The following PTPRR variants were observed in gnomAD, a reference collection of about 807,000 sequenced individuals.
PTPRR encodes the protein protein tyrosine phosphatase receptor type R.
In PTPRR, 38 loss-of-function variants were observed where a neutral mutation model predicts 77.2. That is an observed-to-expected ratio of 0.49 (90% CI 0.38 to 0.65). The LOEUF (loss-of-function observed/expected upper bound fraction) is 0.65, where lower values mean the gene tolerates loss of function less well. Among genes scored for constraint, PTPRR ranks in the 30% least tolerant of loss-of-function variants. The pLI is 0.00. For missense variants in PTPRR, 744 were observed against 799.2 expected, an observed-to-expected ratio of 0.93 and a Z score of 0.83; for synonymous variants, 299 against 283.1, an observed-to-expected ratio of 1.06 and a Z score of -0.57.
At chr12:70,695,247 A>T (rs1025336565) in intron 8 of PTPRR, among the ~76,000 whole-genome samples, 1 of 152,202 alleles carries the variant, frequency 6.6e-6, no homozygotes, top group African/African-American at 2.4e-5. Context: ...AAACAATCAT[A>T]ATGTTTAAAT....
At chr12:70,730,793 C>T (rs1398804834) in intron 6 of PTPRR, among the ~76,000 whole-genome samples, 1 of 151,310 alleles carries the variant, frequency 6.6e-6, no homozygotes, top group Non-Finnish European at 1.5e-5. Flanking sequence ...CACGCCACTC[C>T]AGCTTGGGGG....
intron 1 of PTPRR, among the ~76,000 whole-genome samples, chr12:70,897,536 A>G (rs1251421882): frequency 3.3e-5 from 5 of 151,872 alleles, no homozygotes; most frequent in Non-Finnish European, 7.4e-5. Flanking sequence ...GAGAAATAGG[A>G]ACACTTTTAC....
chr12:70,719,293 T>C (rs1889151936), intron 6 of PTPRR, among the ~76,000 whole-genome samples: 1 of 152,160 alleles, frequency 6.6e-6, no homozygotes, highest in Non-Finnish European at 1.5e-5. Flanking sequence ...AATTCGCTCC[T>C]AGGCTGTCCT....
intron 2 of PTPRR, among the ~76,000 whole-genome samples, chr12:70,814,741 A>G (rs1891870745): frequency 6.6e-6 from 1 of 152,158 alleles, no homozygotes; most frequent in Admixed American, 6.5e-5. Context: ...TAGTTTGACA[A>G]CTCAGCTTTA....
Position 70,672,399 on chromosome 12 carries a change from A to G in PTPRR, c.1498-9794T>C, listed in dbSNP as rs1206013100. ...AGCCAGGAGGTAGACTGGGAAGTGG[A>G]GCAGCTGTGGTCATTGGAAAGAAAG... is the stretch of plus-strand genomic sequence containing the variant. On this transcript the variant is annotated intron_variant, in intron 10 of 13. Coordinates refer to ENST00000283228, the MANE Select transcript of PTPRR (RefSeq NM_002849.4). 3 of 1,206,530 alleles carry G rather than the reference A, an allele frequency of 2.5e-6. No individual in the cohort carries two copies. The East Asian group carries it at 7.1e-5, about 28-fold the overall frequency. The allele number at this position is 1,206,530 out of a possible 1,614,324, so 74.7% of individuals were successfully genotyped here. A position where few individuals can be genotyped will look rare whatever the true frequency, so the allele number is the denominator to read the frequency against.
In PTPRR at chr12:70,820,097, C is replaced by T. The variant is rs74102014; in HGVS notation, c.358-55319G>A. On this transcript the variant is annotated intron_variant, in intron 2 of 13. Coordinates refer to ENST00000283228, the MANE Select transcript of PTPRR (RefSeq NM_002849.4). Reference sequence around the variant, plus strand: ...TTTTTATGAAAGCATACTGGCTGTGCGCAGAAATGTATGGAGGGGTGAGTT... The same window carrying T: ...TTTTTATGAAAGCATACTGGCTGTGTGCAGAAATGTATGGAGGGGTGAGTT... 9.0e-3 allele frequency among the ~76,000 whole-genome samples: 1,376 copies of T among 152,176 alleles called. 27 individuals are homozygous for T. The highest frequency in any genetic ancestry group is 0.031 in the African/African-American group (1,287 of 41,482).
chr12:70,792,629 T>C lies in PTPRR; in HGVS notation c.358-27851A>G, dbSNP rs560568895. The stretch of plus-strand genomic sequence containing the variant: ...CTTTAAGTTTCAAATAATTTTCAAA[T>C]TCTCATATAGGGGATAGGTATTAAG... On this transcript the variant is annotated intron_variant, in intron 2 of 13. Coordinates refer to ENST00000283228, the MANE Select transcript of PTPRR (RefSeq NM_002849.4). Among the ~76,000 whole-genome samples, 98 of 152,302 alleles carry C rather than the reference T, an allele frequency of 6.4e-4. 1 individual carries two copies. Among genetic ancestry groups the C allele is most frequent in the African/African-American group, 2.3e-3 (97 of 41,564 alleles).
intron 2 of PTPRR, among the ~76,000 whole-genome samples, chr12:70,766,899 A>G (rs974744474): frequency 6.6e-6 from 1 of 152,206 alleles, no homozygotes; most frequent in Non-Finnish European, 1.5e-5. Flanking sequence ...CCGGAATTTT[A>G]TATCCAGCCA....
intron 2 of PTPRR, among the ~76,000 whole-genome samples, chr12:70,798,353 C>A (rs1891552802): frequency 1.3e-5 from 2 of 152,170 alleles, no homozygotes; most frequent in Admixed American, 1.3e-4. Context: ...TCCCTGCTTC[C>A]ATTCTTGTCC....
At chr12:70,788,842 G>T in intron 2 of PTPRR, 1 of 1,524,624 alleles carries the variant, frequency 6.6e-7, no homozygotes, top group Non-Finnish European at 8.8e-7. Context: ...TGCATGTTGT[G>T]ATGAAGTCGA....
rs143984874 is a variant in PTPRR at position 70,653,944 on chromosome 12, T to C, written c.1880+2760A>G. On this transcript the variant is annotated intron_variant, in intron 13 of 13. Transcript: ENST00000283228. ...ATAATAAAGAAAGAAACAAACATAG[T>C]AGAAAACAAACAGGGAAGATACGGT... 8.5e-3 allele frequency among the ~76,000 whole-genome samples: 1,291 copies of C among 151,998 alleles called. 12 individuals are homozygous for C. Among genetic ancestry groups the C allele is most frequent in the South Asian group, 0.038 (183 of 4,810 alleles).
Position 70,638,952 on chromosome 12 carries a change from C to A in PTPRR, c.*232G>T. Reference sequence around the variant, plus strand: ...TAGGCTGTGTGATAAACCTATCATACCTCCATCATCAAAAAACCTTCAGAA... The same window carrying A: ...TAGGCTGTGTGATAAACCTATCATAACTCCATCATCAAAAAACCTTCAGAA... On this transcript the variant is annotated 3_prime_UTR_variant, in exon 14 of 14. Coordinates refer to ENST00000283228, the MANE Select transcript of PTPRR (RefSeq NM_002849.4). The A allele has an allele frequency of 3.8e-6, 2 of 529,028 alleles. No individual in the cohort carries two copies. The highest frequency in any genetic ancestry group is 2.3e-5 in the South Asian group (1 of 43,698). The allele number at this position is 529,028 out of a possible 1,614,324, so 32.8% of individuals were successfully genotyped here. A position where few individuals can be genotyped will look rare whatever the true frequency, so the allele number is the denominator to read the frequency against.
intron 13 of PTPRR, among the ~76,000 whole-genome samples, chr12:70,648,871 C>T (rs1455160519): frequency 3.6e-5 from 4 of 111,792 alleles, no homozygotes; most frequent in Non-Finnish European, 6.3e-5. Context: ...TGAACTCCTA[C>T]TTGGAAAAAA....
chr12:70,803,204 G>A (rs1200070275), intron 2 of PTPRR, among the ~76,000 whole-genome samples: 1 of 152,072 alleles, frequency 6.6e-6, no homozygotes, highest in East Asian at 1.9e-4. Flanking sequence ...TCTCTGAAGC[G>A]CTCCGGGGGG....
chr12:70,656,962 A>T, intron 12 of PTPRR, 145 bp from the exon 13 acceptor site: 1 of 341,040 alleles, frequency 2.9e-6, no homozygotes, highest in Non-Finnish European at 5.5e-6. Context: ...CCCTGTGCTA[A>T]GTGCTTAAAA....
chr12:70,668,604 T>A (rs1887100623), intron 10 of PTPRR, among the ~76,000 whole-genome samples: 1 of 152,196 alleles, frequency 6.6e-6, no homozygotes, highest in South Asian at 2.1e-4. Context: ...TAACATTTTC[T>A]TATTAGTATC....
Position 70,821,213 on chromosome 12 carries a change from C to CTTTTTTTTTTTTTTTT in PTPRR, c.358-56451_358-56436dup, listed in dbSNP as rs61539990. 5.1e-3 allele frequency among the ~76,000 whole-genome samples: 162 copies of CTTTTTTTTTTTTTTTT among 31,992 alleles called. 34 individuals carry two copies. The highest frequency in any genetic ancestry group is 8.0e-3 in the South Asian group (3 of 376). 21.0% of individuals were successfully genotyped at this position (31,992 alleles called of 152,430 possible). A position where few individuals can be genotyped will look rare whatever the true frequency, so the allele number is the denominator to read the frequency against. The stretch of plus-strand genomic sequence containing the variant: ...CAAAACATGTTGAAAGGGATCACTG[C>CTTTTTTTTTTTTTTTT]TTTTTTTTTTTTTTTTTTTTTTTTT... On this transcript the variant is annotated intron_variant, in intron 2 of 13. Transcript: ENST00000283228.
intron 8 of PTPRR, among the ~76,000 whole-genome samples, chr12:70,696,724 T>C (rs995014825): frequency 6.6e-6 from 1 of 152,190 alleles, no homozygotes; most frequent in Non-Finnish European, 1.5e-5. Flanking sequence ...TTTTATAACA[T>C]TCAATTAGCC....
At chr12:70,842,391 G>A (rs1023167345) in intron 2 of PTPRR, among the ~76,000 whole-genome samples, 1 of 152,154 alleles carries the variant, frequency 6.6e-6, no homozygotes, top group African/African-American at 2.4e-5. Flanking sequence ...ATGCATGTTG[G>A]TTTCCTGTGG....
Sources: gnomAD v4.1 joint callset for allele counts (sites outside exome capture counted in the v4.1 genomes callset) on GRCh38, gnomAD v4.1.1 for gene constraint, MANE v1.5 for transcripts, NCBI Gene and HGNC (gene_info 2026-07-23, HGNC 2026-07-21) for gene names.